ST18: variants seen among roughly 807,000 people sequenced by gnomAD.
ST18 encodes the protein suppression of tumorigenicity 18 protein.
In ST18, 50 loss-of-function variants were observed where a neutral mutation model predicts 110.0. The observed-to-expected ratio is 0.45, with a 90% CI of 0.36 to 0.58. The LOEUF is 0.58. ST18 is among the 20% of genes least tolerant of loss of function. The probability of loss-of-function intolerance (pLI) is 0.00; values close to 1 mark genes in which losing one functional copy is unlikely to be tolerated. For missense variants in ST18, 1,306 were observed against 1,280.1 expected, an observed-to-expected ratio of 1.02 and a Z score of -0.31; for synonymous variants, 461 against 452.4, an observed-to-expected ratio of 1.02 and a Z score of -0.24.
At chr8:52,396,106 G>A (rs1841029566) in intron 2 of ST18, among the ~76,000 whole-genome samples, 1 of 152,094 alleles carries the variant, frequency 6.6e-6, no homozygotes, top group Admixed American at 6.5e-5. Context: ...CCATAGTGAA[G>A]CAGATTAATG....
chr8:52,176,540 C>T (rs2067023788), intron 9 of ST18, among the ~76,000 whole-genome samples: 2 of 152,184 alleles, frequency 1.3e-5, no homozygotes, highest in Non-Finnish European at 2.9e-5. Flanking sequence ...GGCCTTTCTC[C>T]ATCCGGAGCA....
At chr8:52,397,306 C>T (rs1357502327) in intron 2 of ST18, among the ~76,000 whole-genome samples, 1 of 152,166 alleles carries the variant, frequency 6.6e-6, no homozygotes, top group Non-Finnish European at 1.5e-5. Flanking sequence ...AGGTCCTTCA[C>T]TCATTTATTT....
At chr8:52,151,917 T>C (rs2058912838) in intron 15 of ST18, among the ~76,000 whole-genome samples, 1 of 152,196 alleles carries the variant, frequency 6.6e-6, no homozygotes, top group African/African-American at 2.4e-5. Context: ...CCATAAATAG[T>C]GCAGATTCGA....
intron 2 of ST18, among the ~76,000 whole-genome samples, chr8:52,242,182 T>C (rs2093468850): frequency 6.6e-6 from 1 of 152,234 alleles, no homozygotes; most frequent in Non-Finnish European, 1.5e-5. Flanking sequence ...AGTAACTGCC[T>C]AATGAAGATC....
intron 24 of ST18, among the ~76,000 whole-genome samples, chr8:52,117,452 C>T (rs1172800724): frequency 6.6e-6 from 1 of 152,182 alleles, no homozygotes; most frequent in Admixed American, 6.5e-5. Context: ...CTTCCTCCTT[C>T]TAGACTATAA....
intron 3 of ST18, among the ~76,000 whole-genome samples, chr8:52,222,977 A>T (rs2087541546): frequency 1.3e-5 from 2 of 152,212 alleles, no homozygotes; most frequent in Admixed American, 1.3e-4. Context: ...TGAAAAAGGA[A>T]TCTTAAAAAA....
intron 25 of ST18, among the ~76,000 whole-genome samples, chr8:52,113,791 C>T (rs1054658019): frequency 1.3e-4 from 19 of 151,872 alleles, no homozygotes; most frequent in African/African-American, 3.9e-4. Flanking sequence ...AAGATTTGAG[C>T]GAGTTGCTCA....
chr8:52,318,431 C>T (rs756155049), intron 2 of ST18, among the ~76,000 whole-genome samples: 35 of 152,132 alleles, frequency 2.3e-4, no homozygotes, highest in Admixed American at 1.5e-3. Context: ...GAAAAAGGAA[C>T]GCTTTTACAC....
chr8:52,282,713 T>C (rs1271649524), intron 2 of ST18, among the ~76,000 whole-genome samples: 3 of 151,884 alleles, frequency 2.0e-5, no homozygotes, highest in African/African-American at 7.3e-5. Context: ...AGAGCTGCAG[T>C]GCCGCTGGGG....
chr8:52,396,906 A>G (rs1411673578), intron 2 of ST18, among the ~76,000 whole-genome samples: 1 of 152,222 alleles, frequency 6.6e-6, no homozygotes, highest in Non-Finnish European at 1.5e-5. Context: ...CGTTGTTTCC[A>G]TATCTTGGCT....
At chr8:52,343,872 T>C (rs528610774) in intron 2 of ST18, among the ~76,000 whole-genome samples, 304 of 152,348 alleles carry the variant, frequency 2.0e-3, no homozygotes, top group African/African-American at 6.7e-3. Context: ...TTTCCTGCTA[T>C]TTTAAAGGAA....
At chr8:52,123,485 G>A (rs1467631540) in intron 23 of ST18, among the ~76,000 whole-genome samples, 1 of 152,170 alleles carries the variant, frequency 6.6e-6, no homozygotes, top group African/African-American at 2.4e-5. Flanking sequence ...ACCACTTTAG[G>A]TCCTTCTGAC....
intron 10 of ST18, among the ~76,000 whole-genome samples, chr8:52,168,214 C>T (rs879672758): frequency 6.7e-6 from 1 of 148,878 alleles, no homozygotes; most frequent in Admixed American, 6.7e-5. Context: ...AGGAGGCTAT[C>T]GGGGTCTGCA....
chr8:52,263,693 C>T (rs2094772700), intron 2 of ST18, among the ~76,000 whole-genome samples: 1 of 149,232 alleles, frequency 6.7e-6, no homozygotes, highest in African/African-American at 2.5e-5. Context: ...GATCCACCTA[C>T]CTCAGCCTCC....
chr8:52,357,696 TA>T (rs1823540196), intron 2 of ST18, among the ~76,000 whole-genome samples: 4 of 81,326 alleles, frequency 4.9e-5, no homozygotes, highest in East Asian at 3.0e-4. Flanking sequence ...TATATATATA[TA>T]TATATATATA....
rs146521727 is a variant in ST18 at position 52,164,439 on chromosome 8, C to A, written c.1296-349G>T. ...TCGAGAAGTTAGCATAACTCCTTGACTTATCTTAGCATCTTTAGAAAAATT... is the reference window on the plus strand; with the variant it reads ...TCGAGAAGTTAGCATAACTCCTTGAATTATCTTAGCATCTTTAGAAAAATT... On this transcript the variant is annotated intron_variant, in intron 12 of 25. Coordinates refer to ENST00000689386, the MANE Select transcript of ST18 (RefSeq NM_001352837.2). 2.6e-5 allele frequency among the ~76,000 whole-genome samples: 4 copies of A among 152,332 alleles called. No individual in the cohort carries two copies. The East Asian group carries it at 7.7e-4, about 29-fold the overall frequency.
At chr8:52,267,135 G>A (rs916489725) in intron 2 of ST18, among the ~76,000 whole-genome samples, 15 of 152,012 alleles carry the variant, frequency 9.9e-5, no homozygotes, top group African/African-American at 1.5e-4. Flanking sequence ...TGCACTCGTT[G>A]GTGACAATAA....
chr8:52,235,243 A>G (rs1262577986), intron 2 of ST18, among the ~76,000 whole-genome samples: 2 of 152,196 alleles, frequency 1.3e-5, no homozygotes, highest in African/African-American at 4.8e-5. Flanking sequence ...GGTAAGCTAG[A>G]TGAACTAGAG....
chr8:52,163,067 T>C (rs2061885368), intron 13 of ST18, among the ~76,000 whole-genome samples: 1 of 152,236 alleles, frequency 6.6e-6, no homozygotes, highest in Admixed American at 6.5e-5. Context: ...CTATATTTGC[T>C]AACTAACTTA....
Sources: allele counts gnomAD v4.1 joint callset (sites outside exome capture counted in the v4.1 genomes callset), GRCh38; gene constraint gnomAD v4.1.1; transcripts MANE v1.5; gene names NCBI Gene and HGNC (gene_info 2026-07-23, HGNC 2026-07-21).